CUX2: variants seen among roughly 807,000 people sequenced by gnomAD.
CUX2 encodes the protein homeobox protein cut-like 2.
Under a neutral mutation model 144.8 loss-of-function variants are expected in CUX2, and 40 were observed. That is an observed-to-expected ratio of 0.28 (90% CI 0.21 to 0.36). The LOEUF is 0.36. Ranked by LOEUF, CUX2 falls within the 10% of genes least tolerant of loss-of-function variation. The pLI, the probability that CUX2 is intolerant of heterozygous loss-of-function variation, is 1.00. For missense variants in CUX2, 1,615 were observed against 1,994.0 expected (o/e 0.81, Z 3.62); for synonymous variants, 827 against 875.6 (o/e 0.94, Z 0.98).
chr12:111,182,504 A>G (rs1174592755), intron 1 of CUX2, among the ~76,000 whole-genome samples: 4 of 152,218 alleles, frequency 2.6e-5, no homozygotes, highest in Non-Finnish European at 4.4e-5. Context: ...GAACAGTTGT[A>G]AACTCGAGAC....
intron 1 of CUX2, among the ~76,000 whole-genome samples, chr12:111,137,540 T>A (rs1875981766): frequency 6.6e-6 from 1 of 152,064 alleles, no homozygotes; most frequent in Non-Finnish European, 1.5e-5. Flanking sequence ...TGAGACAGGG[T>A]CTTGTTCTGT....
intron 1 of CUX2, among the ~76,000 whole-genome samples, chr12:111,205,271 G>T (rs1038714576): frequency 2.6e-5 from 4 of 151,904 alleles, no homozygotes; most frequent in African/African-American, 9.7e-5. Context: ...AACCTGCCCC[G>T]CAGTAGATAG....
chr12:111,272,276 A>G (rs887139761), intron 4 of CUX2, among the ~76,000 whole-genome samples: 1 of 152,140 alleles, frequency 6.6e-6, no homozygotes, highest in Non-Finnish European at 1.5e-5. Flanking sequence ...CTACGATTAG[A>G]AAGTGTTGTC....
At chr12:111,051,698 TTTGA>T (rs1225457533) in intron 1 of CUX2, among the ~76,000 whole-genome samples, 1 of 152,222 alleles carries the variant, frequency 6.6e-6, no homozygotes, top group East Asian at 1.9e-4. Context: ...AACTCTGCTC[TTTGA>T]TTGGATTGTT....
chr12:111,210,814 A>AG lies in CUX2; in HGVS notation c.64-3386_64-3385insG, dbSNP rs1366924719. Among the ~76,000 whole-genome samples, 129 of 104,660 alleles carry AG rather than the reference A, an allele frequency of 1.2e-3. 1 individual carries two copies. The highest frequency in any genetic ancestry group is 4.0e-3 in the Admixed American group (45 of 11,192). The allele number at this position is 104,660 out of a possible 152,430, so 68.7% of individuals were successfully genotyped here. A position where few individuals can be genotyped will look rare whatever the true frequency, so the allele number is the denominator to read the frequency against. ...CCCTGTCTCAAAAAAAAAAAAAGAC[A>AG]ACATTTATTGAACACTTGAAGCTTT... On this transcript the variant is annotated intron_variant, in intron 1 of 21. Transcript: ENST00000261726.
At chr12:111,091,420 C>T (rs938085382) in intron 1 of CUX2, among the ~76,000 whole-genome samples, 15 of 152,298 alleles carry the variant, frequency 9.8e-5, no homozygotes, top group Middle Eastern at 3.4e-3. Flanking sequence ...GCAGCGTTCA[C>T]TCCTCCCTGT....
At chr12:111,188,317 G>A (rs1039718630) in intron 1 of CUX2, among the ~76,000 whole-genome samples, 2 of 152,232 alleles carry the variant, frequency 1.3e-5, no homozygotes, top group Non-Finnish European at 2.9e-5. Context: ...AGCAGGTGCT[G>A]TGTGCCAGGT....
In CUX2 at chr12:111,314,894, A is replaced by T. The variant is rs527691093; in HGVS notation, c.2002+2693A>T. On this transcript the variant is annotated intron_variant, in intron 16 of 21. Transcript: ENST00000261726. ...CTAGCCAAAGTCTCCCACTAAACCG[A>T]CAGGACAACTGAGGCTAGGGAGGGA... is the stretch of plus-strand genomic sequence containing the variant. 5.9e-5 allele frequency among the ~76,000 whole-genome samples: 9 copies of T among 152,110 alleles called. 1 individual carries two copies. The South Asian group carries it at 1.9e-3, about 32-fold the overall frequency.
intron 1 of CUX2, among the ~76,000 whole-genome samples, chr12:111,201,292 C>A (rs557559667): frequency 4.6e-5 from 7 of 152,302 alleles, no homozygotes; most frequent in African/African-American, 1.7e-4. Context: ...CTTGCCCGCA[C>A]GGTTCCCTGC....
intron 1 of CUX2, among the ~76,000 whole-genome samples, chr12:111,139,945 T>C (rs904362105): frequency 1.3e-5 from 2 of 152,146 alleles, no homozygotes; most frequent in Non-Finnish European, 2.9e-5. Flanking sequence ...GGTAAGTCAC[T>C]TCCCCTCTCT....
chr12:111,214,287 G>T lies in CUX2; in HGVS notation c.151G>T (p.Glu51Ter). The change falls in exon 2 of 22, where the codon GAA (glutamate) becomes TAA (stop). Residue 51 changes from glutamate to a stop codon, truncating the protein, a stop_gained. Transcript: ENST00000261726. LOFTEE classifies it high-confidence loss of function. The part of the protein sequence containing the change: ...SHKHLIELRR[E>*]FKKNVPEEIR... ...TAAACATTTAATTGAACTCCGCCGGGAATTTAAGAAAAATGTACCTGAGGT... is the reference window on the plus strand; with the variant it reads ...TAAACATTTAATTGAACTCCGCCGGTAATTTAAGAAAAATGTACCTGAGGT... 1 of 1,604,752 alleles carries T rather than the reference G, an allele frequency of 6.2e-7. No individual in the cohort carries two copies. The highest frequency in any genetic ancestry group is 1.1e-5 in the South Asian group (1 of 89,590).
intron 1 of CUX2, among the ~76,000 whole-genome samples, chr12:111,151,170 A>G (rs1877029845): frequency 6.6e-6 from 1 of 152,234 alleles, no homozygotes; most frequent in Non-Finnish European, 1.5e-5. Flanking sequence ...CTAATGCAGA[A>G]TACTTGCAGA....
At chr12:111,214,173 C>G in intron 1 of CUX2, 27 bp from the exon 2 acceptor site, 2 of 1,003,018 alleles carry the variant, frequency 2.0e-6, no homozygotes, top group Non-Finnish European at 2.8e-6. Context: ...CTCTCTCTCT[C>G]TTTTTTTTTT....
chr12:111,079,254 A>T (rs896388677), intron 1 of CUX2, among the ~76,000 whole-genome samples: 11 of 152,120 alleles, frequency 7.2e-5, no homozygotes, highest in Middle Eastern at 3.2e-3. Context: ...CTGGAAAGGG[A>T]TTCTTGGGGT....
rs776503390 is a variant in CUX2, at chr12:111,310,146, T to G, written c.1364T>G (p.Leu455Arg). 3 of 1,538,706 alleles carry G rather than the reference T, an allele frequency of 1.9e-6. No homozygotes were observed. Among genetic ancestry groups the G allele is most frequent in the Middle Eastern group, 1.7e-4 (1 of 5,768 alleles). ...LPPPPGPEDP[L>R]SPSPGQPLLG... ...CCTCCACCAGGGCCAGAAGACCCCC[T>G]GTCTCCCAGCCCCGGGCAGCCCCTG... The change falls in exon 15 of 22, where the codon CTG becomes CGG. Residue 455 changes from leucine to arginine, a missense_variant. This residue lies in a region of CUX2 where 154 missense variants were observed against 148.4 expected (regional missense o/e 1.04). Transcript: ENST00000261726. This position sits in a 1 kb window ranked among gnomAD's most constrained non-coding sequence, Gnocchi z 7.9.
At chr12:111,125,706 C>A (rs1875016473) in intron 1 of CUX2, among the ~76,000 whole-genome samples, 1 of 152,062 alleles carries the variant, frequency 6.6e-6, no homozygotes, top group African/African-American at 2.4e-5. Context: ...GCTGCAGATT[C>A]CGCATGGATA....
intron 16 of CUX2, 58 bp from the exon 17 acceptor site, chr12:111,319,954 C>T: frequency 7.1e-7 from 1 of 1,414,674 alleles, no homozygotes; most frequent in South Asian, 1.5e-5. Flanking sequence ...TGAACATCGT[C>T]CCCTGCATGC....
chr12:111,107,606 T>G (rs1873688991), intron 1 of CUX2, among the ~76,000 whole-genome samples: 1 of 152,202 alleles, frequency 6.6e-6, no homozygotes, highest in Non-Finnish European at 1.5e-5. Context: ...GCAGGCAGAA[T>G]GCCCGTCCTC....
Position 111,289,164 on chromosome 12 carries a change from C to T in CUX2, c.302-2254C>T, listed in dbSNP as rs1292451905. Among the ~76,000 whole-genome samples, 1 of 152,034 alleles carries T rather than the reference C, an allele frequency of 6.6e-6. No individual in the cohort carries two copies. Among genetic ancestry groups the T allele is most frequent in the Non-Finnish European group, 1.5e-5 (1 of 67,994 alleles). On this transcript the variant is annotated intron_variant, in intron 4 of 21. Transcript: ENST00000261726. The surrounding 1 kb of genome is among the most constrained non-coding windows in gnomAD (Gnocchi z 4.1). ...AAAAAAGAAAATTCTGGGGGAGAGA[C>T]CAGGAAGAGACAGGGCTTCCATGCA...
Sources: gnomAD v4.1 joint callset for allele counts (sites outside exome capture counted in the v4.1 genomes callset) on GRCh38, gnomAD v4.1.1 for gene constraint, gnomAD v4.1.1 regional missense constraint, Gnocchi (gnomAD v3.1) non-coding constraint, MANE v1.5 for transcripts, NCBI Gene and HGNC (gene_info 2026-07-23, HGNC 2026-07-21) for gene names.